The following USF3 variants were observed in gnomAD, a reference collection of about 807,000 sequenced individuals.
The protein encoded by USF3 is upstream transcription factor family member 3.
In USF3, 29 loss-of-function variants were observed where a neutral mutation model predicts 157.5. The ratio of observed to expected loss-of-function variants is 0.18; its 90% confidence interval spans 0.14 to 0.25. The LOEUF (loss-of-function observed/expected upper bound fraction) is 0.25. Among genes scored for constraint, USF3 ranks in the 10% least tolerant of loss-of-function variants. The pLI, the probability that USF3 is intolerant of heterozygous loss-of-function variation, is 1.00. For missense variants in USF3, 2,381 were observed against 2,667.6 expected (o/e 0.89, Z 2.37); for synonymous variants, 893 against 941.4 (o/e 0.95, Z 0.94).
At position 113,660,572 on chromosome 3, in the gene USF3, T is replaced by G; in HGVS notation, c.1110A>C (p.Thr370=). The G allele has an allele frequency of 1.2e-6, 2 of 1,614,216 alleles. No homozygotes were observed. Among genetic ancestry groups the G allele is most frequent in the South Asian group, 1.1e-5 (1 of 91,086 alleles). ...CTCCAGGGGCAGATGATGCCACCACTGTAGCTGTACTTGTCAAGTCTGCAC... is the reference window on the plus strand; with the variant it reads ...CTCCAGGGGCAGATGATGCCACCACGGTAGCTGTACTTGTCAAGTCTGCAC... ...SKSADLTSTA[T]VVASSAPGVG... The change falls in exon 7 of 7, where the codon ACA becomes ACC. Residue 370 remains threonine, a synonymous_variant. Coordinates refer to ENST00000316407, the MANE Select transcript of USF3 (RefSeq NM_001009899.4).
Position 113,656,037 on chromosome 3 carries a change from G to A in USF3, c.5645C>T (p.Ser1882Leu), listed in dbSNP as rs556953686. The part of the protein sequence containing the change: ...ESQNRESCDM[S>L]LGAINTRNST... ...GTTCCTGGTGTTAATTGCACCTAAC[G>A]ACATGTCACAACTTTCCCTATTCTG... The change falls in exon 7 of 7, where the codon TCG becomes TTG. Residue 1882 changes from serine to leucine, a missense_variant. Transcript: ENST00000316407. The A allele has an allele frequency of 9.3e-6, 15 of 1,614,120 alleles. No homozygotes were observed. The highest frequency in any genetic ancestry group is 5.5e-5 in the South Asian group (5 of 91,080).
At chr3:113,668,128 C>T (rs539851917) in intron 5 of USF3, among the ~76,000 whole-genome samples, 1 of 152,064 alleles carries the variant, frequency 6.6e-6, no homozygotes, top group South Asian at 2.1e-4. Flanking sequence ...AGAACCACCC[C>T]CTACCCTGCC....
At chr3:113,670,884 G>A (rs939169695) in intron 4 of USF3, among the ~76,000 whole-genome samples, 5 of 151,954 alleles carry the variant, frequency 3.3e-5, no homozygotes, top group Non-Finnish European at 7.4e-5. Context: ...TGGGACCACA[G>A]GCATGCAGCA....
intron 1 of USF3, among the ~76,000 whole-genome samples, chr3:113,677,951 T>G (rs1321659429): frequency 6.6e-6 from 1 of 151,780 alleles, no homozygotes; most frequent in Non-Finnish European, 1.5e-5. Context: ...GCCCAGGAAT[T>G]TGCACTTTCA....
chr3:113,680,576 C>T (rs1158746132), intron 1 of USF3, among the ~76,000 whole-genome samples: 5 of 152,060 alleles, frequency 3.3e-5, no homozygotes, highest in Admixed American at 6.6e-5. Flanking sequence ...CTTTGGGAGG[C>T]CAAGGGAGGC....
intron 3 of USF3, among the ~76,000 whole-genome samples, chr3:113,673,773 C>T (rs115104941): frequency 0.014 from 2,195 of 152,294 alleles, 55 homozygotes; most frequent in African/African-American, 0.051. Flanking sequence ...TACGGGTGTG[C>T]GTGTGCAGGA....
At chr3:113,687,169 T>C (rs929557578) in intron 1 of USF3, among the ~76,000 whole-genome samples, 2 of 151,984 alleles carry the variant, frequency 1.3e-5, no homozygotes, top group East Asian at 3.8e-4. Context: ...GTTCAAATTG[T>C]CCACACATTG....
intron 3 of USF3, 122 bp downstream of exon 3, chr3:113,674,710 G>A (rs1231511767): frequency 1.0e-5 from 8 of 771,172 alleles, no homozygotes; most frequent in Non-Finnish European, 1.6e-5. Context: ...TATTTTTGGA[G>A]AGTAATAATT....
In USF3 at chr3:113,656,315, T is replaced by C. The variant is rs1369643311; in HGVS notation, c.5367A>G (p.Gln1789=). ...QNTGPPPIDR[Q]KRLSYPPVQS... ...GAACTGGTGGGTAAGATAATCTCTT[T>C]TGACGGTCAATTGGTGGGGGGCCAG... The change falls in exon 7 of 7, where the codon CAA becomes CAG. Residue 1789 remains glutamine (Q), a synonymous_variant. Coordinates refer to ENST00000316407, the MANE Select transcript of USF3 (RefSeq NM_001009899.4). The C allele has an allele frequency of 3.7e-6, 6 of 1,614,088 alleles. No individual in the cohort carries two copies. The highest frequency in any genetic ancestry group is 3.3e-5 in the South Asian group (3 of 91,086).
chr3:113,666,076 C>G (rs967047406), intron 5 of USF3, among the ~76,000 whole-genome samples: 7 of 151,292 alleles, frequency 4.6e-5, no homozygotes, highest in African/African-American at 1.7e-4. Flanking sequence ...CCCAGCTACT[C>G]GGGAGGCTGA....
At chr3:113,666,839 C>T (rs984075705) in intron 5 of USF3, among the ~76,000 whole-genome samples, 1 of 150,236 alleles carries the variant, frequency 6.7e-6, no homozygotes, top group African/African-American at 2.5e-5. Flanking sequence ...CTGCCCGCCT[C>T]GGTCTCCCAA....
Position 113,674,881 on chromosome 3 carries a change from T to C in USF3, c.-3A>G. 1 of 1,611,832 alleles carries C rather than the reference T, an allele frequency of 6.2e-7. No individual in the cohort carries two copies. Among genetic ancestry groups the C allele is most frequent in the South Asian group, 1.1e-5 (1 of 91,028 alleles). Reference sequence around the variant, plus strand: ...TCATTCTCTGTCATTTCTGGCATGGTTACAGTAATAGGAACCTACAGAAGG... The same window carrying C: ...TCATTCTCTGTCATTTCTGGCATGGCTACAGTAATAGGAACCTACAGAAGG... On this transcript the variant is annotated 5_prime_UTR_variant, in exon 3 of 7. Transcript: ENST00000316407.
chr3:113,657,567 T>C lies in USF3; in HGVS notation c.4115A>G (p.Gln1372Arg). The change falls in exon 7 of 7, where the codon CAA (glutamine) becomes CGA (arginine). Residue 1372 changes from glutamine (Q) to arginine (R), a missense_variant. Gln to Arg is a conservative substitution (Grantham distance 43, BLOSUM62 1). This residue lies in a region of USF3 where 1,435 missense variants were observed against 1,550.9 expected (regional missense o/e 0.93). Transcript: ENST00000316407. ...AGGAGGGATCTGACTGACCATCATT[T>C]GAGTTTGGTCAGAAATGGTGTCTGG... ...RTPDTISDQT[Q>R]MMVSQIPPNS... 6.2e-7 allele frequency: 1 copy of C among 1,614,164 alleles called. No individual in the cohort carries two copies. Among genetic ancestry groups the C allele is most frequent in the Non-Finnish European group, 8.5e-7 (1 of 1,180,024 alleles).
In USF3 at chr3:113,691,131, G is replaced by C. The variant is rs149875496; in HGVS notation, c.-135+5239C>G. 1.4e-3 allele frequency among the ~76,000 whole-genome samples: 220 copies of C among 152,332 alleles called. 5 individuals are homozygous for C. The East Asian group carries it at 0.038, about 26-fold the overall frequency. On this transcript the variant is annotated intron_variant, in intron 1 of 6. Coordinates refer to ENST00000316407, the MANE Select transcript of USF3 (RefSeq NM_001009899.4). ...TTGAGCCCAGGAGGCGAAGGTTCCAGTGAGCCAAGATCGCACCACTGCACT... is the reference window on the plus strand; with the variant it reads ...TTGAGCCCAGGAGGCGAAGGTTCCACTGAGCCAAGATCGCACCACTGCACT...
In USF3 at chr3:113,661,166, A is replaced by G. The variant is rs759508753; in HGVS notation, c.516T>C (p.Val172=). Reference sequence around the variant, plus strand: ...CGGTCTGCTTTTGTAAATTATGACTAACATTAAAAGTTATCCCCTGAACAG... The same window carrying G: ...CGGTCTGCTTTTGTAAATTATGACTGACATTAAAAGTTATCCCCTGAACAG... ...GTAVQGITFN[V]SHNLQKQTAN... Residue 172 remains valine (V), a synonymous_variant, in exon 7 of 7, where the codon GTT becomes GTC. Coordinates refer to ENST00000316407, the MANE Select transcript of USF3 (RefSeq NM_001009899.4). The G allele has an allele frequency of 6.2e-7, 1 of 1,614,216 alleles. No homozygotes were observed. The highest frequency in any genetic ancestry group is 1.1e-5 in the South Asian group (1 of 91,086).
chr3:113,695,732 A>G (rs754002105), intron 1 of USF3, among the ~76,000 whole-genome samples: 1 of 152,230 alleles, frequency 6.6e-6, no homozygotes, highest in Non-Finnish European at 1.5e-5. Flanking sequence ...GGTGAATTCA[A>G]CTATCAAAAT....
At position 113,659,018 on chromosome 3, in the gene USF3, CT is replaced by C; in HGVS notation, c.2663del (p.Lys888SerfsTer10). The C allele has an allele frequency of 6.2e-7, 1 of 1,614,142 alleles. No individual in the cohort carries two copies. The highest frequency in any genetic ancestry group is 8.5e-7 in the Non-Finnish European group (1 of 1,180,028). On this transcript the variant is annotated frameshift_variant, in exon 7 of 7. Transcript: ENST00000316407. LOFTEE classifies it high-confidence loss of function. ...CAGATTCTTGGGAGGGTGGGCTGGA[CT>C]TTTCTGCTGACTTAGATTTCGATAC... ...ESVSKSKSAEKSSPPSQESVT... is the reference protein window; with the variant it reads ...ESVSKSKSAEXSSPPSQESVT...
Position 113,660,976 on chromosome 3 carries a change from T to C in USF3, c.706A>G (p.Ile236Val), listed in dbSNP as rs770420743. The C allele has an allele frequency of 6.2e-7, 1 of 1,614,098 alleles. No individual in the cohort carries two copies. Among genetic ancestry groups the C allele is most frequent in the South Asian group, 1.1e-5 (1 of 91,082 alleles). The change falls in exon 7 of 7, where the codon ATT becomes GTT. Residue 236 changes from isoleucine (I) to valine (V), a missense_variant. Coordinates refer to ENST00000316407, the MANE Select transcript of USF3 (RefSeq NM_001009899.4). ...CTTTCAGAGGTGGGAAGCTCGAGAA[T>C]ACTCTGAGCAGAAATGGCAGCAGGA... ...CLPAAISAQS[I>V]LELPTSESES... is the part of the protein sequence containing the mutation.
chr3:113,655,114 T>C lies in USF3; in HGVS notation c.6568A>G (p.Met2190Val), dbSNP rs765140663. 2 of 1,614,180 alleles carry C rather than the reference T, an allele frequency of 1.2e-6. No individual in the cohort carries two copies. The highest frequency in any genetic ancestry group is 1.1e-5 in the South Asian group (1 of 91,086). Reference protein sequence around the residue: ...MTNSHLSNFNMTSLFPEIATA... With the variant: ...MTNSHLSNFNVTSLFPEIATA... ...GCTATTTCTGGAAACAAAGATGTCATATTAAAATTGGATAAGTGAGAGTTG... is the reference window on the plus strand; with the variant it reads ...GCTATTTCTGGAAACAAAGATGTCACATTAAAATTGGATAAGTGAGAGTTG... Residue 2190 changes from methionine (M) to valine (V), a missense_variant, in exon 7 of 7, where the codon ATG (methionine) becomes GTG (valine). This residue lies in a region of USF3 where 770 missense variants were observed against 824.2 expected (regional missense o/e 0.93). Coordinates refer to ENST00000316407, the MANE Select transcript of USF3 (RefSeq NM_001009899.4).
Sources: allele counts gnomAD v4.1 joint callset (sites outside exome capture counted in the v4.1 genomes callset), GRCh38; gene constraint gnomAD v4.1.1; regional missense constraint gnomAD v4.1.1; transcripts MANE v1.5; gene names NCBI Gene and HGNC (gene_info 2026-07-23, HGNC 2026-07-21).